Variants in AKAP6 observed in about 807,000 individuals in gnomAD.
AKAP6 encodes A-kinase anchoring protein 6.
A neutral mutation model predicts 188.5 loss-of-function variants in AKAP6; 58 were observed. The observed-to-expected ratio is 0.31, with a 90% CI of 0.25 to 0.38. AKAP6 has a LOEUF of 0.38. Ranked by LOEUF, AKAP6 falls within the 10% of genes least tolerant of loss-of-function variation. The pLI is 1.00. For missense variants in AKAP6, 2,710 were observed against 2,740.0 expected, an observed-to-expected ratio of 0.99 and a Z score of 0.24; for synonymous variants, 989 against 998.6, an observed-to-expected ratio of 0.99 and a Z score of 0.18.
intron 1 of AKAP6, among the ~76,000 whole-genome samples, chr14:32,367,424 TGAAC>T (rs1364577738): frequency 2.6e-5 from 4 of 152,228 alleles, no homozygotes; most frequent in Non-Finnish European, 5.9e-5. Flanking sequence ...GCTAAGTTTG[TGAAC>T]ATTAGCATTA....
intron 6 of AKAP6, among the ~76,000 whole-genome samples, chr14:32,600,213 T>C (rs1246219348): frequency 6.6e-6 from 1 of 152,226 alleles, no homozygotes; most frequent in Non-Finnish European, 1.5e-5. Flanking sequence ...CTGGCCTATT[T>C]ACTGTATTTC....
intron 7 of AKAP6, among the ~76,000 whole-genome samples, chr14:32,609,643 G>C (rs1477166666): frequency 6.6e-6 from 1 of 151,926 alleles, no homozygotes; most frequent in Non-Finnish European, 1.5e-5. Flanking sequence ...AAGAGGGAGA[G>C]GGAAAAAAGG....
At chr14:32,426,875 G>C (rs1474571449) in intron 1 of AKAP6, among the ~76,000 whole-genome samples, 3 of 152,116 alleles carry the variant, frequency 2.0e-5, no homozygotes, top group Non-Finnish European at 4.4e-5. Context: ...AAGGTTTGAG[G>C]GGAGAAGATG....
At chr14:32,748,892 C>G (rs1270387026) in intron 11 of AKAP6, among the ~76,000 whole-genome samples, 4 of 151,964 alleles carry the variant, frequency 2.6e-5, no homozygotes, top group Non-Finnish European at 4.4e-5. Context: ...TTTTGTAAAC[C>G]CTCTTTTTAC....
intron 2 of AKAP6, among the ~76,000 whole-genome samples, chr14:32,528,398 G>A (rs1361367181): frequency 6.6e-6 from 1 of 151,910 alleles, no homozygotes; most frequent in East Asian, 1.9e-4. Context: ...TTTGCTTGTA[G>A]ATGTCCAGTT....
chr14:32,618,538 A>G (rs1886681613), intron 7 of AKAP6, among the ~76,000 whole-genome samples: 2 of 152,142 alleles, frequency 1.3e-5, no homozygotes, highest in Admixed American at 1.3e-4. Flanking sequence ...GTTCTTTTTT[A>G]TGACTGAGTA....
At chr14:32,611,600 G>A (rs1471561457) in intron 7 of AKAP6, among the ~76,000 whole-genome samples, 1 of 152,162 alleles carries the variant, frequency 6.6e-6, no homozygotes, top group Non-Finnish European at 1.5e-5. Flanking sequence ...AGAACTTTAA[G>A]GAAAGCCTAG....
intron 7 of AKAP6, among the ~76,000 whole-genome samples, chr14:32,626,598 A>G (rs1354151065): frequency 6.6e-6 from 1 of 152,022 alleles, no homozygotes; most frequent in African/African-American, 2.4e-5. Flanking sequence ...CTTCTCCAAC[A>G]CTACTCAGCC....
At chr14:32,454,130 G>A (rs3784192) in intron 2 of AKAP6, among the ~76,000 whole-genome samples, 56,232 of 152,072 alleles carry the variant, frequency 0.37, 15,885 homozygotes, top group African/African-American at 0.8. Flanking sequence ...AAACCAGATG[G>A]CCAAGTCCTC....
At chr14:32,519,591 C>T (rs998309075) in intron 2 of AKAP6, among the ~76,000 whole-genome samples, 7 of 151,950 alleles carry the variant, frequency 4.6e-5, no homozygotes, top group African/African-American at 7.3e-5. Flanking sequence ...GATCAAAAGA[C>T]ACAAAGAAGG....
intron 1 of AKAP6, among the ~76,000 whole-genome samples, chr14:32,333,487 G>A (rs72666119): frequency 0.05 from 7,537 of 152,130 alleles, 260 homozygotes; most frequent in South Asian, 0.12. Flanking sequence ...GGGTAAATTG[G>A]TAAAATAATT....
intron 1 of AKAP6, among the ~76,000 whole-genome samples, chr14:32,350,539 A>C (rs951251654): frequency 6.6e-6 from 1 of 152,190 alleles, no homozygotes; most frequent in Non-Finnish European, 1.5e-5. Context: ...TGGGACTGCA[A>C]GAGGACATTA....
intron 4 of AKAP6, among the ~76,000 whole-genome samples, chr14:32,566,851 G>A (rs1023205317): frequency 7.2e-5 from 11 of 152,012 alleles, no homozygotes; most frequent in Admixed American, 1.3e-4. Context: ...TTAGGTCTGC[G>A]TACTTGATTA....
intron 2 of AKAP6, among the ~76,000 whole-genome samples, chr14:32,469,765 C>A (rs995386691): frequency 4.7e-5 from 7 of 150,308 alleles, no homozygotes; most frequent in African/African-American, 1.5e-4. Flanking sequence ...AGACATGCTG[C>A]TCGGAGATGT....
Position 32,389,468 on chromosome 14 carries a change from C to A in AKAP6, c.-34-43992C>A, listed in dbSNP as rs569723381. ...GTGAGATTTATGCTTTAAAGAAGTT[C>A]TTTTTTGCTGTGTTTCCAGGATTTG... On this transcript the variant is annotated intron_variant, in intron 1 of 13. Transcript: ENST00000280979. 2.0e-5 allele frequency among the ~76,000 whole-genome samples: 3 copies of A among 151,750 alleles called. No individual in the cohort carries two copies. The East Asian group carries it at 5.8e-4, about 30-fold the overall frequency.
At chr14:32,530,829 T>C (rs972471506) in intron 2 of AKAP6, among the ~76,000 whole-genome samples, 3 of 152,220 alleles carry the variant, frequency 2.0e-5, no homozygotes, top group African/African-American at 7.2e-5. Flanking sequence ...TACAATAATA[T>C]GTTTTACAAA....
At position 32,623,000 on chromosome 14, in the gene AKAP6, A is replaced by G. The variant is rs577203938; in HGVS notation, c.2730+22208A>G. On this transcript the variant is annotated intron_variant, in intron 7 of 13. Coordinates refer to ENST00000280979, the MANE Select transcript of AKAP6 (RefSeq NM_004274.5). Reference sequence around the variant, plus strand: ...CATGGGTGCTACCAGTGGTGGTGGTAGTGGTAGGGTGTGTGAAAAATCAGT... The same window carrying G: ...CATGGGTGCTACCAGTGGTGGTGGTGGTGGTAGGGTGTGTGAAAAATCAGT... 1.2e-3 allele frequency among the ~76,000 whole-genome samples: 183 copies of G among 152,190 alleles called. 1 individual carries two copies. Among genetic ancestry groups the G allele is most frequent in the African/African-American group, 4.3e-3 (178 of 41,550 alleles).
intron 1 of AKAP6, among the ~76,000 whole-genome samples, chr14:32,376,334 A>G (rs1432061700): frequency 6.6e-6 from 1 of 152,240 alleles, no homozygotes; most frequent in Non-Finnish European, 1.5e-5. Context: ...TAAGTGAGAT[A>G]TAATAAGCTT....
chr14:32,330,872 C>T (rs1178226104), intron 1 of AKAP6, among the ~76,000 whole-genome samples: 3 of 151,896 alleles, frequency 2.0e-5, no homozygotes, highest in African/African-American at 7.2e-5. Flanking sequence ...ATGTTTCTGA[C>T]ATGCAGCTGT....
Sources: gnomAD v4.1 joint callset for allele counts (sites outside exome capture counted in the v4.1 genomes callset) on GRCh38, gnomAD v4.1.1 for gene constraint, MANE v1.5 for transcripts, NCBI Gene and HGNC (gene_info 2026-07-23, HGNC 2026-07-21) for gene names.